The following USP15 variants were observed in gnomAD, a reference collection of about 807,000 sequenced individuals.
USP15 encodes ubiquitin carboxyl-terminal hydrolase 15.
In USP15, 18 loss-of-function variants were observed where a neutral mutation model predicts 127.1. The observed-to-expected ratio is 0.14, with a 90% confidence interval of 0.10 to 0.21. The LOEUF (loss-of-function observed/expected upper bound fraction) is 0.21. Among genes scored for constraint, USP15 ranks in the 10% least tolerant of loss-of-function variants. The pLI is 1.00. For synonymous variants in USP15, 364 were observed against 393.7 expected, an observed-to-expected ratio of 0.92 and a Z score of 0.89; for missense variants, 805 against 1,159.9, an observed-to-expected ratio of 0.69 and a Z score of 4.44.
chr12:62,307,647 T>C (rs1246191712), intron 3 of USP15, among the ~76,000 whole-genome samples: 1 of 152,102 alleles, frequency 6.6e-6, no homozygotes, highest in Non-Finnish European at 1.5e-5. Context: ...ATTCTGGAAA[T>C]AAACAATTCG....
At chr12:62,293,668 C>CT (rs1565825614) in intron 1 of USP15, among the ~76,000 whole-genome samples, 1 of 152,086 alleles carries the variant, frequency 6.6e-6, no homozygotes, top group South Asian at 2.1e-4. Context: ...AATTTTGGTT[C>CT]TTTTTTCTGA....
chr12:62,352,495 T>G (rs191185916), intron 7 of USP15, among the ~76,000 whole-genome samples: 2 of 152,152 alleles, frequency 1.3e-5, no homozygotes, highest in Admixed American at 6.5e-5. Flanking sequence ...TACTGCCTTT[T>G]AAAAATATTT....
chr12:62,383,853 G>A lies in USP15; in HGVS notation c.1103G>A (p.Arg368His), dbSNP rs2067063684. 1.2e-6 allele frequency: 2 copies of A among 1,612,156 alleles called. No individual in the cohort carries two copies. The highest frequency in any genetic ancestry group is 1.7e-6 in the Non-Finnish European group (2 of 1,178,770). ...CATTTCTTACAGACACAGGTAGGAC[G>A]TTTTGCACCTCAGTTCTCTGGATAT... ...TPRAFKTQVG[R>H]FAPQFSGYQQ... Residue 368 changes from arginine (R) to histidine (H), a missense_variant, in exon 10 of 22, where the codon CGT (arginine) becomes CAT (histidine). This residue lies in a region of USP15 where 84 missense variants were observed against 210.3 expected (regional missense o/e 0.40). Coordinates refer to ENST00000280377, the MANE Select transcript of USP15 (RefSeq NM_001252078.2).
intron 19 of USP15, among the ~76,000 whole-genome samples, chr12:62,395,021 T>G (rs756018577): frequency 6.6e-6 from 1 of 152,124 alleles, no homozygotes; most frequent in East Asian, 1.9e-4. Context: ...AATGATAGAT[T>G]TTGATTAGTC....
chr12:62,317,409 C>T (rs1342053189), intron 4 of USP15, among the ~76,000 whole-genome samples: 1 of 152,156 alleles, frequency 6.6e-6, no homozygotes, highest in Non-Finnish European at 1.5e-5. Context: ...AGTGGTAGAG[C>T]TAGTACTTTA....
In USP15 at chr12:62,389,907, T is replaced by A; in HGVS notation, c.1763T>A (p.Leu588His). 6.2e-7 allele frequency: 1 copy of A among 1,613,886 alleles called. No homozygotes were observed. Among genetic ancestry groups the A allele is most frequent in the South Asian group, 1.1e-5 (1 of 91,070 alleles). Residue 588 changes from leucine to histidine, a missense_variant, in exon 14 of 22, where the codon CTT becomes CAT. Physicochemically the swap from Leu to His is moderately conservative, Grantham distance 99. This residue lies in a region of USP15 where 225 missense variants were observed against 239.5 expected (regional missense o/e 0.94). Coordinates refer to ENST00000280377, the MANE Select transcript of USP15 (RefSeq NM_001252078.2). ...SSYTHHTGSS[L>H]FGQPFLMAVP... ...TATACCCACCATACTGGTTCTTCAC[T>A]TTTTGGTCAGCCCTTTCTTATGGCT...
chr12:62,369,851 T>TA (rs1351148405), intron 8 of USP15, among the ~76,000 whole-genome samples: 1 of 152,232 alleles, frequency 6.6e-6, no homozygotes, highest in Non-Finnish European at 1.5e-5. Flanking sequence ...AGCTTCCTTT[T>TA]ATACTTACAG....
intron 1 of USP15, among the ~76,000 whole-genome samples, chr12:62,289,521 G>T (rs2063891537): frequency 6.6e-6 from 1 of 151,824 alleles, no homozygotes; most frequent in South Asian, 2.1e-4. Flanking sequence ...CTAGCAGTCT[G>T]TCCGTTTTGT....
rs189409547 is a variant in USP15, at chr12:62,384,787, G to A, written c.1473+485G>A. Among the ~76,000 whole-genome samples the A allele has an allele frequency of 1.5e-3, 230 of 151,728 alleles. 1 individual carries two copies. The highest frequency in any genetic ancestry group is 2.5e-3 in the Non-Finnish European group (167 of 67,698). On this transcript the variant is annotated intron_variant, in intron 11 of 21. Coordinates refer to ENST00000280377, the MANE Select transcript of USP15 (RefSeq NM_001252078.2). ...AATTCAGTTAGACTAAAAATATTTTGTTCAGTGATGTTCTCTAATTTCTAA... is the reference window on the plus strand; with the variant it reads ...AATTCAGTTAGACTAAAAATATTTTATTCAGTGATGTTCTCTAATTTCTAA...
chr12:62,315,678 T>C (rs935933947), intron 4 of USP15, among the ~76,000 whole-genome samples: 1 of 152,134 alleles, frequency 6.6e-6, no homozygotes, highest in Non-Finnish European at 1.5e-5. Flanking sequence ...AGAACCCAGC[T>C]TGGAAACAGA....
intron 1 of USP15, among the ~76,000 whole-genome samples, chr12:62,275,189 C>G (rs546489359): frequency 6.6e-6 from 1 of 151,820 alleles, no homozygotes; most frequent in South Asian, 2.1e-4. Flanking sequence ...GTTGAGATGT[C>G]TGGAAAATCC....
intron 6 of USP15, among the ~76,000 whole-genome samples, chr12:62,328,599 C>G (rs2065199681): frequency 6.6e-6 from 1 of 152,050 alleles, no homozygotes; most frequent in Non-Finnish European, 1.5e-5. Context: ...ATGGCTTAAC[C>G]TAGTAATGCC....
intron 11 of USP15, among the ~76,000 whole-genome samples, chr12:62,388,116 G>GTTTTTTTTTTTTTTTTTTTTTTTTT (rs1565906819): frequency 7.9e-6 from 1 of 127,226 alleles, no homozygotes; most frequent in Non-Finnish European, 1.6e-5. Context: ...GAATGGTGAA[G>GTTTTTTTTTTTTTTTTTTTTTTTTT]ATTTTTTTTT....
chr12:62,355,590 C>A, intron 8 of USP15, 115 bp downstream of exon 8: 1 of 1,182,084 alleles, frequency 8.5e-7, no homozygotes, highest in Non-Finnish European at 1.2e-6. Context: ...GTTCATTTTT[C>A]ATGGAAGATT....
intron 1 of USP15, chr12:62,277,727 A>G (rs555044725): frequency 1.3e-5 from 2 of 152,236 alleles, no homozygotes; most frequent in African/African-American, 4.8e-5. Context: ...TCACAAAAAA[A>G]TCTCATAATG....
chr12:62,329,576 TAAG>T (rs3057384), intron 6 of USP15, among the ~76,000 whole-genome samples: 33,977 of 151,862 alleles, frequency 0.22, 4,114 homozygotes, highest in African/African-American at 0.33. Flanking sequence ...TGTAATATAT[TAAG>T]AACTCCTAAA....
At chr12:62,268,607 T>C (rs1324737495) in intron 1 of USP15, among the ~76,000 whole-genome samples, 1 of 152,142 alleles carries the variant, frequency 6.6e-6, no homozygotes, top group Non-Finnish European at 1.5e-5. Context: ...ATTTCTGTTG[T>C]TTCAGATACT....
intron 6 of USP15, among the ~76,000 whole-genome samples, chr12:62,337,503 G>A (rs938397172): frequency 5.3e-5 from 8 of 152,000 alleles, no homozygotes; most frequent in Admixed American, 1.3e-4. Flanking sequence ...TGGGATACAC[G>A]TGCAGAATGT....
chr12:62,328,749 G>A (rs1294152734), intron 6 of USP15, among the ~76,000 whole-genome samples: 2 of 151,948 alleles, frequency 1.3e-5, no homozygotes, highest in Non-Finnish European at 2.9e-5. Flanking sequence ...GAGGAAGGAA[G>A]GAACACTAGA....
Sources: allele counts gnomAD v4.1 joint callset (sites outside exome capture counted in the v4.1 genomes callset), GRCh38; gene constraint gnomAD v4.1.1; regional missense constraint gnomAD v4.1.1; transcripts MANE v1.5; gene names NCBI Gene and HGNC (gene_info 2026-07-23, HGNC 2026-07-21).